ZNF804A: variants seen among roughly 807,000 people sequenced by gnomAD.
ZNF804A encodes zinc finger protein 804A.
A neutral mutation model predicts 16.5 loss-of-function variants in ZNF804A; 2 were observed. The ratio of observed to expected loss-of-function variants is 0.12; its 90% CI spans 0.05 to 0.38. The LOEUF (loss-of-function observed/expected upper bound fraction) is 0.38. Among genes scored for constraint, ZNF804A ranks in the 10% least tolerant of loss-of-function variants. ZNF804A has a pLI of 0.99. For synonymous variants in ZNF804A, 534 were observed against 489.6 expected (o/e 1.09, Z -1.20); for missense variants, 1,473 against 1,390.7 (o/e 1.06, Z -0.94).
chr2:184,918,597 C>CT (rs1224533251), intron 2 of ZNF804A, among the ~76,000 whole-genome samples: 1 of 151,968 alleles, frequency 6.6e-6, no homozygotes, highest in Admixed American at 6.6e-5. Context: ...ACTGAATTTT[C>CT]TTTTTTGGGG....
chr2:184,622,746 A>T (rs359885), intron 1 of ZNF804A, among the ~76,000 whole-genome samples: 1 of 151,584 alleles, frequency 6.6e-6, no homozygotes, highest in African/African-American at 2.4e-5. Context: ...TGTGTATGCA[A>T]GAGTAAATTA....
intron 1 of ZNF804A, among the ~76,000 whole-genome samples, chr2:184,703,141 T>A (rs1692953578): frequency 6.6e-6 from 1 of 152,202 alleles, no homozygotes; most frequent in African/African-American, 2.4e-5. Flanking sequence ...GTGAAGTGTT[T>A]ACTACCCAAA....
chr2:184,652,727 C>T (rs777497967), intron 1 of ZNF804A, among the ~76,000 whole-genome samples: 1 of 152,126 alleles, frequency 6.6e-6, no homozygotes, highest in Non-Finnish European at 1.5e-5. Context: ...TGTGTCCCCA[C>T]CCAAATTTCA....
chr2:184,896,549 C>T (rs1685072796), intron 2 of ZNF804A, among the ~76,000 whole-genome samples: 1 of 152,086 alleles, frequency 6.6e-6, no homozygotes, highest in Non-Finnish European at 1.5e-5. Flanking sequence ...GCCTGATTGC[C>T]AGGAGGTCTG....
At chr2:184,640,950 A>G (rs1199269483) in intron 1 of ZNF804A, among the ~76,000 whole-genome samples, 1 of 152,058 alleles carries the variant, frequency 6.6e-6, no homozygotes, top group Non-Finnish European at 1.5e-5. Context: ...ATCTTTTTTA[A>G]AATTTTTTAT....
At chr2:184,831,760 AC>A (rs1470130929) in intron 1 of ZNF804A, among the ~76,000 whole-genome samples, 2 of 151,854 alleles carry the variant, frequency 1.3e-5, no homozygotes, top group Non-Finnish European at 2.9e-5. Flanking sequence ...AACCACTACA[AC>A]AGCAAAAAAC....
intron 1 of ZNF804A, among the ~76,000 whole-genome samples, chr2:184,862,854 G>T (rs1695820279): frequency 6.6e-6 from 1 of 151,998 alleles, no homozygotes. Context: ...GGAGCTATTT[G>T]CACACACTGA....
chr2:184,705,282 G>T (rs986023946), intron 1 of ZNF804A, among the ~76,000 whole-genome samples: 1 of 152,136 alleles, frequency 6.6e-6, no homozygotes, highest in African/African-American at 2.4e-5. Flanking sequence ...CTTTATTGAC[G>T]TAGTGGTATT....
intron 1 of ZNF804A, among the ~76,000 whole-genome samples, chr2:184,838,996 T>TTACC (rs1695395378): frequency 6.6e-6 from 1 of 152,132 alleles, no homozygotes; most frequent in African/African-American, 2.4e-5. Context: ...TACATGGTCA[T>TTACC]TACCTTTCCC....
At chr2:184,659,481 A>AAT (rs1477498138) in intron 1 of ZNF804A, among the ~76,000 whole-genome samples, 1 of 152,000 alleles carries the variant, frequency 6.6e-6, no homozygotes, top group East Asian at 1.9e-4. Context: ...ATATAAAACA[A>AAT]ATATATATAC....
intron 2 of ZNF804A, among the ~76,000 whole-genome samples, chr2:184,903,688 T>C (rs1437576693): frequency 6.6e-6 from 1 of 152,176 alleles, no homozygotes; most frequent in Admixed American, 6.6e-5. Context: ...TTATAACTTT[T>C]TCAGATTTTC....
chr2:184,881,901 A>C (rs1197257845), intron 2 of ZNF804A, among the ~76,000 whole-genome samples: 1 of 152,100 alleles, frequency 6.6e-6, no homozygotes, highest in Non-Finnish European at 1.5e-5. Flanking sequence ...ATATAATAAC[A>C]TCTGACAATA....
At chr2:184,816,250 T>C (rs1031506489) in intron 1 of ZNF804A, among the ~76,000 whole-genome samples, 5 of 152,010 alleles carry the variant, frequency 3.3e-5, no homozygotes, top group Admixed American at 6.6e-5. Flanking sequence ...CCCAAGTGAC[T>C]GTTTGATATC....
chr2:184,937,889 T>C lies in ZNF804A; in HGVS notation c.2493T>C (p.Asn831=), dbSNP rs769733411. The C allele has an allele frequency of 2.3e-5, 37 of 1,613,852 alleles. No homozygotes were observed. Among genetic ancestry groups the C allele is most frequent in the Non-Finnish European group, 3.1e-5 (36 of 1,179,982 alleles). ...PGFETLELKE[N]TDYPVKDNSS... ...TTGAAACTTTAGAACTCAAAGAAAA[T>C]ACAGATTATCCCGTGAAAGACAATT... is the stretch of plus-strand genomic sequence containing the variant. The change falls in exon 4 of 4, where the codon AAT becomes AAC. Residue 831 remains asparagine (N), a synonymous_variant. Transcript: ENST00000302277.
chr2:184,905,147 C>T (rs776411012), intron 2 of ZNF804A, among the ~76,000 whole-genome samples: 2 of 151,620 alleles, frequency 1.3e-5, no homozygotes, highest in Admixed American at 6.6e-5. Flanking sequence ...TTTACAGAAC[C>T]AAGTCAGTAA....
chr2:184,661,261 T>C (rs899845), intron 1 of ZNF804A, among the ~76,000 whole-genome samples: 123,284 of 151,784 alleles, frequency 0.81, 50,562 homozygotes, highest in Non-Finnish European at 0.88. Flanking sequence ...CAGCCAGGAG[T>C]GTCACAGCTC....
intron 1 of ZNF804A, among the ~76,000 whole-genome samples, chr2:184,641,381 A>C (rs1339980311): frequency 6.6e-6 from 1 of 152,202 alleles, no homozygotes; most frequent in African/African-American, 2.4e-5. Context: ...TAATGACAGA[A>C]AGCAGATCAG....
intron 2 of ZNF804A, among the ~76,000 whole-genome samples, chr2:184,917,628 C>T (rs146056120): frequency 2.3e-3 from 349 of 151,734 alleles, no homozygotes; most frequent in African/African-American, 8.0e-3. Context: ...TATTAGTTAT[C>T]GTTAATCTTA....
intron 1 of ZNF804A, among the ~76,000 whole-genome samples, chr2:184,758,395 G>A (rs16826189): frequency 0.03 from 4,596 of 151,852 alleles, 105 homozygotes; most frequent in African/African-American, 0.064. Flanking sequence ...TACTTTAGGT[G>A]TTTTACATGA....
Sources: gnomAD v4.1 joint callset for allele counts (sites outside exome capture counted in the v4.1 genomes callset) on GRCh38, gnomAD v4.1.1 for gene constraint, MANE v1.5 for transcripts, NCBI Gene and HGNC (gene_info 2026-07-23, HGNC 2026-07-21) for gene names.